Variants in TACR3 observed in about 807,000 individuals in gnomAD.
TACR3 encodes neuromedin-K receptor.
TACR3 carries 34 observed loss-of-function variants against 35.0 expected under a neutral mutation model. That is an observed-to-expected ratio of 0.97 (90% CI 0.74 to 1.30). TACR3 has a LOEUF of 1.30. Among genes scored for constraint, TACR3 ranks in the 50% most tolerant of loss-of-function variants. TACR3 has a pLI of 0.00. For synonymous variants in TACR3, 233 were observed against 221.1 expected (o/e 1.05, Z -0.48); for missense variants, 558 against 591.7 (o/e 0.94, Z 0.59).
chr4:103,621,367 G>A (rs773032363), intron 3 of TACR3, among the ~76,000 whole-genome samples: 3 of 151,998 alleles, frequency 2.0e-5, no homozygotes, highest in Non-Finnish European at 4.4e-5. Context: ...GAGAATAGAG[G>A]GCCAATATGT....
intron 3 of TACR3, among the ~76,000 whole-genome samples, chr4:103,655,166 G>T (rs1174310104): frequency 6.6e-6 from 1 of 152,090 alleles, no homozygotes; most frequent in South Asian, 2.1e-4. Context: ...CATAAATGTG[G>T]TCTAGTATTA....
chr4:103,589,565 T>C lies in TACR3; in HGVS notation c.*117A>G. On this transcript the variant is annotated 3_prime_UTR_variant, in exon 5 of 5. Transcript: ENST00000304883. ...CTTTCTCAATTTGACCATAGCTGCC[T>C]AAAAATTGCTTTCTGTTTCTAGAGG... is the stretch of plus-strand genomic sequence containing the variant. 1 of 1,209,348 alleles carries C rather than the reference T, an allele frequency of 8.3e-7. No individual in the cohort carries two copies. Among genetic ancestry groups the C allele is most frequent in the South Asian group, 1.3e-5 (1 of 77,988 alleles). The allele number at this position is 1,209,348 out of a possible 1,614,324, so 74.9% of individuals were successfully genotyped here. A position where few individuals can be genotyped will look rare whatever the true frequency, so the allele number is the denominator to read the frequency against.
At position 103,650,306 on chromosome 4, in the gene TACR3, C is replaced by A. The variant is rs141731310; in HGVS notation, c.888+5888G>T. On this transcript the variant is annotated intron_variant, in intron 3 of 4. Transcript: ENST00000304883. ...GGTCACACATAAAGCAAACACAGCACTGGGGTTCACCCAAAGCCTGTTTTA... is the reference window on the plus strand; with the variant it reads ...GGTCACACATAAAGCAAACACAGCAATGGGGTTCACCCAAAGCCTGTTTTA... Among the ~76,000 whole-genome samples, 64 of 151,772 alleles carry A rather than the reference C, an allele frequency of 4.2e-4. No homozygotes were observed. In the Middle Eastern group the frequency reaches 0.01, roughly 24 times the overall value.
rs895054252 is a variant in TACR3 at position 103,588,842 on chromosome 4, A to T, written c.*840T>A. The T allele has an allele frequency of 6.6e-6, 1 of 152,082 alleles. No individual in the cohort carries two copies. The highest frequency in any genetic ancestry group is 2.4e-5 in the African/African-American group (1 of 41,436). 9.4% of individuals were successfully genotyped at this position (152,082 alleles called of 1,614,324 possible). A position where few individuals can be genotyped will look rare whatever the true frequency, so the allele number is the denominator to read the frequency against. On this transcript the variant is annotated 3_prime_UTR_variant, in exon 5 of 5. Coordinates refer to ENST00000304883, the MANE Select transcript of TACR3 (RefSeq NM_001059.3). ...AGAACATAAATAGTATTCTTCCTCT[A>T]TTTATTGGAATGTACCTTTACTGTT...
chr4:103,625,977 T>C (rs1724883251), intron 3 of TACR3, among the ~76,000 whole-genome samples: 2 of 152,180 alleles, frequency 1.3e-5, no homozygotes, highest in Non-Finnish European at 2.9e-5. Flanking sequence ...TGGAGCCTTT[T>C]ACAAGCCAAG....
intron 3 of TACR3, among the ~76,000 whole-genome samples, chr4:103,651,802 G>A (rs372056061): frequency 2.0e-5 from 3 of 151,692 alleles, no homozygotes; most frequent in African/African-American, 4.8e-5. Context: ...TTAGTCAGTC[G>A]GTGATGGGTC....
intron 3 of TACR3, among the ~76,000 whole-genome samples, chr4:103,594,116 G>A (rs1178754055): frequency 6.6e-6 from 1 of 151,876 alleles, no homozygotes; most frequent in Non-Finnish European, 1.5e-5. Flanking sequence ...AATAAGCATG[G>A]AATTTACTGC....
At chr4:103,627,023 A>T (rs574702259) in intron 3 of TACR3, among the ~76,000 whole-genome samples, 145 of 150,814 alleles carry the variant, frequency 9.6e-4, no homozygotes, top group Non-Finnish European at 1.7e-3. Flanking sequence ...AAATAAATAA[A>T]AAAAAAAAAT....
intron 3 of TACR3, among the ~76,000 whole-genome samples, chr4:103,635,321 T>TGAGA (rs1725161782): frequency 6.6e-6 from 1 of 151,344 alleles, no homozygotes; most frequent in African/African-American, 2.4e-5. Flanking sequence ...GAACAATGAC[T>TGAGA]GAGATTGAAG....
At chr4:103,649,137 A>AT (rs963383748) in intron 3 of TACR3, among the ~76,000 whole-genome samples, 4 of 151,728 alleles carry the variant, frequency 2.6e-5, no homozygotes, top group Admixed American at 6.6e-5. Context: ...GGATTATTAG[A>AT]TTTTTTTCCT....
chr4:103,692,603 C>T (rs922757632), intron 1 of TACR3, among the ~76,000 whole-genome samples: 2 of 152,138 alleles, frequency 1.3e-5, no homozygotes, highest in Non-Finnish European at 2.9e-5. Context: ...ACCATCACGT[C>T]AGATAATGGC....
At chr4:103,672,854 G>A (rs1285830870) in intron 1 of TACR3, among the ~76,000 whole-genome samples, 2 of 152,144 alleles carry the variant, frequency 1.3e-5, no homozygotes, top group Non-Finnish European at 2.9e-5. Flanking sequence ...TTGAAAATCT[G>A]TTCTTTAATA....
chr4:103,635,555 T>C (rs3822292), intron 3 of TACR3, among the ~76,000 whole-genome samples: 18,850 of 152,028 alleles, frequency 0.12, 1,392 homozygotes, highest in Non-Finnish European at 0.17. Flanking sequence ...TTAACGTCAA[T>C]GGTGTGACGG....
intron 1 of TACR3, among the ~76,000 whole-genome samples, chr4:103,694,329 C>A (rs1245933942): frequency 6.6e-6 from 1 of 151,346 alleles, no homozygotes; most frequent in Non-Finnish European, 1.5e-5. Flanking sequence ...GCATGGAGAC[C>A]CAGTTGCAAA....
chr4:103,633,554 C>T (rs1696340025), intron 3 of TACR3, among the ~76,000 whole-genome samples: 1 of 152,056 alleles, frequency 6.6e-6, no homozygotes, highest in Admixed American at 6.6e-5. Flanking sequence ...TGTCCTGATC[C>T]CTCAACCCTC....
intron 1 of TACR3, among the ~76,000 whole-genome samples, chr4:103,660,368 G>C (rs531233676): frequency 6.6e-6 from 1 of 152,072 alleles, no homozygotes; most frequent in South Asian, 2.1e-4. Flanking sequence ...TGAAAGCATA[G>C]AACAGATAAT....
chr4:103,631,096 A>C (rs1199213235), intron 3 of TACR3, among the ~76,000 whole-genome samples: 2 of 152,150 alleles, frequency 1.3e-5, no homozygotes, highest in Non-Finnish European at 2.9e-5. Flanking sequence ...CAAACACGGC[A>C]TGTTCTCACT....
At chr4:103,717,583 A>T (rs905274908) in intron 1 of TACR3, among the ~76,000 whole-genome samples, 1 of 152,198 alleles carries the variant, frequency 6.6e-6, no homozygotes, top group African/African-American at 2.4e-5. Flanking sequence ...ATTTTCTTCA[A>T]AGTTCATATT....
chr4:103,611,596 G>A (rs1434698813), intron 3 of TACR3, among the ~76,000 whole-genome samples: 1 of 152,118 alleles, frequency 6.6e-6, no homozygotes, highest in African/African-American at 2.4e-5. Flanking sequence ...GTACATATTG[G>A]AGGTGCCAGC....
Sources: gnomAD v4.1 joint callset for allele counts (sites outside exome capture counted in the v4.1 genomes callset) on GRCh38, gnomAD v4.1.1 for gene constraint, MANE v1.5 for transcripts, NCBI Gene and HGNC (gene_info 2026-07-23, HGNC 2026-07-21) for gene names.